MEGF6: variants seen among roughly 807,000 people sequenced by gnomAD.
The protein encoded by MEGF6 is multiple epidermal growth factor-like domains protein 6.
MEGF6 carries 184 observed loss-of-function variants against 207.1 expected under a neutral mutation model. The ratio of observed to expected loss-of-function variants is 0.89; its 90% CI spans 0.79 to 1.00. The LOEUF is 1.00. Among genes scored for constraint, MEGF6 ranks in the 50% least tolerant of loss-of-function variants. MEGF6 has a pLI of 0.00. For synonymous variants in MEGF6, 1,038 were observed against 910.0 expected, an observed-to-expected ratio of 1.14 and a Z score of -2.53; for missense variants, 2,282 against 2,202.9, an observed-to-expected ratio of 1.04 and a Z score of -0.72.
At chr1:3,587,509 T>C (rs12139206) in intron 3 of MEGF6, among the ~76,000 whole-genome samples, 94,982 of 152,254 alleles carry the variant, frequency 0.62, 33,346 homozygotes, top group Non-Finnish European at 0.78. Context: ...CACTGTGATG[T>C]ATAGTTTGCA....
the MEGF6 span, among the ~76,000 whole-genome samples, chr1:3,617,446 CAT>C: frequency 6.6e-6 from 1 of 152,188 alleles, no homozygotes; most frequent in Admixed American, 6.5e-5. Context: ...CACATGGACA[CAT>C]GTGGGGAACA....
intron 10 of MEGF6, among the ~76,000 whole-genome samples, 195 bp from the exon 11 acceptor site, chr1:3,510,187 G>C (rs1345604000): frequency 1.3e-5 from 2 of 152,112 alleles, no homozygotes; most frequent in African/African-American, 4.8e-5. Flanking sequence ...CCCAGGGTCA[G>C]AGCCATGGCA....
At chr1:3,591,048 C>A (rs545753150) in intron 3 of MEGF6, among the ~76,000 whole-genome samples, 3 of 152,166 alleles carry the variant, frequency 2.0e-5, no homozygotes, top group Non-Finnish European at 4.4e-5. Flanking sequence ...CTCAGCAGAC[C>A]CCACAGAGGC....
Position 3,507,261 on chromosome 1 carries a change from C to T in MEGF6, c.1789+534G>A, listed in dbSNP as rs143975475. Among the ~76,000 whole-genome samples the T allele has an allele frequency of 8.5e-5, 13 of 152,310 alleles. No homozygotes were observed. In the East Asian group the frequency reaches 1.2e-3, roughly 14 times the overall value. ...ATGATACGTTAGCTGCACTCTCCATCGAAAGAGGCAGAAATGATGAAGTCT... is the reference window on the plus strand; with the variant it reads ...ATGATACGTTAGCTGCACTCTCCATTGAAAGAGGCAGAAATGATGAAGTCT... On this transcript the variant is annotated intron_variant, in intron 14 of 36. Transcript: ENST00000356575.
chr1:3,505,493 G>A lies in MEGF6; in HGVS notation c.1982C>T (p.Thr661Met), dbSNP rs749153892. The change falls in exon 16 of 37, where the codon ACG (threonine) becomes ATG (methionine). Residue 661 changes from threonine (T) to methionine (M), a missense_variant. Physicochemically the swap from Thr to Met is moderately conservative, Grantham distance 81. Transcript: ENST00000356575. ...SEECQCVQPH[T>M]QSCDKRDGSC... Reference sequence around the variant, plus strand: ...GCCATCCCTCTTGTCACAGGACTGCGTGTGGGGCTGCACACACTGGCACTC... The same window carrying A: ...GCCATCCCTCTTGTCACAGGACTGCATGTGGGGCTGCACACACTGGCACTC... 25 of 1,607,536 alleles carry A rather than the reference G, an allele frequency of 1.6e-5. No individual in the cohort carries two copies. Among genetic ancestry groups the A allele is most frequent in the South Asian group, 3.3e-5 (3 of 90,324 alleles).
chr1:3,535,673 C>T (rs1251920153), intron 4 of MEGF6, among the ~76,000 whole-genome samples: 1 of 152,168 alleles, frequency 6.6e-6, no homozygotes, highest in African/African-American at 2.4e-5. Context: ...GGCCCCCCAG[C>T]GGCCCTGGGT....
In MEGF6 at chr1:3,556,653, AC is replaced by A. The variant is rs1643040064; in HGVS notation, c.481+23171del. Among the ~76,000 whole-genome samples, 1 of 152,160 alleles carries A rather than the reference AC, an allele frequency of 6.6e-6. No individual in the cohort carries two copies. Among genetic ancestry groups the A allele is most frequent in the Non-Finnish European group, 1.5e-5 (1 of 68,028 alleles). ...ACACTGGAGACGAATAGGACTGACC[AC>A]CAAGCAGACTGCAGGCAGCTTAAGA... is the stretch of plus-strand genomic sequence containing the variant. On this transcript the variant is annotated intron_variant, in intron 4 of 36. Coordinates refer to ENST00000356575, the MANE Select transcript of MEGF6 (RefSeq NM_001409.4). The surrounding 1 kb of genome is among the most constrained non-coding windows in gnomAD (Gnocchi z 4.4).
chr1:3,502,822 C>T (rs1418735815), intron 17 of MEGF6, among the ~76,000 whole-genome samples: 2 of 152,192 alleles, frequency 1.3e-5, no homozygotes, highest in Admixed American at 1.3e-4. Context: ...AGGGCCCGGC[C>T]TTGGCCTCTC....
intron 5 of MEGF6, among the ~76,000 whole-genome samples, chr1:3,519,885 ACC>A (rs1322163903): frequency 1.3e-4 from 20 of 152,072 alleles, no homozygotes; most frequent in Non-Finnish European, 2.5e-4. Context: ...CACACAGCAC[ACC>A]CATGGCAGAG....
At chr1:3,583,027 A>G (rs1479307849) in intron 3 of MEGF6, among the ~76,000 whole-genome samples, 8 of 152,166 alleles carry the variant, frequency 5.3e-5, no homozygotes, top group Non-Finnish European at 1.2e-4. Flanking sequence ...GAATGAACAA[A>G]CCACCGCATG....
At chr1:3,564,156 A>G (rs1369633829) in intron 4 of MEGF6, among the ~76,000 whole-genome samples, 1 of 124,338 alleles carries the variant, frequency 8.0e-6, no homozygotes, top group African/African-American at 3.1e-5. Flanking sequence ...AGGGCGAGGA[A>G]CTGGGTCAGG....
chr1:3,602,141 C>G (rs113881340), intron 2 of MEGF6, among the ~76,000 whole-genome samples: 2 of 152,206 alleles, frequency 1.3e-5, no homozygotes, highest in Admixed American at 6.5e-5. Context: ...AGCCTCCCAC[C>G]GGGCCCCTGG....
chr1:3,605,097 CTCAA>C (rs1173691838), intron 1 of MEGF6, among the ~76,000 whole-genome samples: 10 of 151,968 alleles, frequency 6.6e-5, no homozygotes, highest in South Asian at 2.1e-4. Context: ...CAAACTCACA[CTCAA>C]TCACACACAT....
chr1:3,547,075 CG>C, intron 4 of MEGF6: 1 of 159,144 alleles, frequency 6.3e-6, no homozygotes, highest in East Asian at 1.9e-4. Context: ...CACGGTGTCC[CG>C]GCACCGACCC....
chr1:3,607,252 C>T (rs1644262642), intron 1 of MEGF6, among the ~76,000 whole-genome samples: 1 of 152,020 alleles, frequency 6.6e-6, no homozygotes, highest in South Asian at 2.1e-4. Flanking sequence ...CACCCAGCAG[C>T]CCTTCCCGCA....
At chr1:3,539,889 C>T (rs114707791) in intron 4 of MEGF6, among the ~76,000 whole-genome samples, 302 of 152,312 alleles carry the variant, frequency 2.0e-3, no homozygotes, top group African/African-American at 7.1e-3. Context: ...ACTGAGCCTC[C>T]CCAAGCTCCA....
chr1:3,569,006 G>C (rs1242967615), intron 4 of MEGF6, among the ~76,000 whole-genome samples: 1 of 152,184 alleles, frequency 6.6e-6, no homozygotes, highest in Non-Finnish European at 1.5e-5. Flanking sequence ...AGTGGGCAGA[G>C]CCTGGCTTCA....
intron 4 of MEGF6, among the ~76,000 whole-genome samples, chr1:3,537,944 C>T (rs529103444): frequency 6.6e-6 from 1 of 152,260 alleles, no homozygotes; most frequent in East Asian, 1.9e-4. Context: ...CCACCCAGAG[C>T]AGCAAGGGGC....
chr1:3,594,350 G>T lies in MEGF6; in HGVS notation c.376+988C>A, dbSNP rs972158402. 2.0e-5 allele frequency among the ~76,000 whole-genome samples: 3 copies of T among 152,204 alleles called. No homozygotes were observed. The highest frequency in any genetic ancestry group is 4.8e-5 in the African/African-American group (2 of 41,442). On this transcript the variant is annotated intron_variant, in intron 3 of 36. Transcript: ENST00000356575. This position sits in a 1 kb window ranked among gnomAD's most constrained non-coding sequence, Gnocchi z 4.2. ...AGGCTGAGGTGGGAGGATTGCTTGA[G>T]TCCAGGAATTTGAGGCTGCAGTGAG...
Sources: gnomAD v4.1 joint callset for allele counts (sites outside exome capture counted in the v4.1 genomes callset) on GRCh38, gnomAD v4.1.1 for gene constraint, Gnocchi (gnomAD v3.1) non-coding constraint, MANE v1.5 for transcripts, NCBI Gene and HGNC (gene_info 2026-07-23, HGNC 2026-07-21) for gene names.